SLC35F4: variants seen among roughly 807,000 people sequenced by gnomAD.
SLC35F4 encodes the protein chromosome 14 open reading frame 36.
Under a neutral mutation model 44.2 loss-of-function variants are expected in SLC35F4, and 24 were observed. The ratio of observed to expected loss-of-function variants is 0.54; its 90% CI spans 0.39 to 0.76. The LOEUF is 0.76. Among genes scored for constraint, SLC35F4 ranks in the 30% least tolerant of loss-of-function variants. The pLI, the probability that SLC35F4 is intolerant of heterozygous loss-of-function variation, is 0.00. For synonymous variants in SLC35F4, 238 were observed against 223.6 expected (o/e 1.06, Z -0.57); for missense variants, 562 against 586.1 (o/e 0.96, Z 0.42).
chr14:57,848,374 T>C (rs377635368), intron 1 of SLC35F4, among the ~76,000 whole-genome samples: 2 of 152,194 alleles, frequency 1.3e-5, no homozygotes, highest in East Asian at 3.8e-4. Context: ...ACCAAAATCA[T>C]GGAAGAATTG....
At chr14:57,604,253 G>T (rs2071013820) in intron 1 of SLC35F4, 1 of 152,126 alleles carries the variant, frequency 6.6e-6, no homozygotes, top group Non-Finnish European at 1.5e-5. Flanking sequence ...AGTCTTGATG[G>T]TTCTGAAATA....
chr14:57,983,142 G>A (rs77339342), upstream of SLC35F4, among the ~76,000 whole-genome samples: 44 of 152,342 alleles, frequency 2.9e-4, no homozygotes, highest in Admixed American at 2.7e-3. Flanking sequence ...TTACTGCAAG[G>A]CTGCCAAGCA....
At chr14:57,633,564 A>G (rs570119574) in intron 1 of SLC35F4, among the ~76,000 whole-genome samples, 1 of 152,112 alleles carries the variant, frequency 6.6e-6, no homozygotes, top group South Asian at 2.1e-4. Context: ...ACTTGTACAG[A>G]GACTTCCCAT....
intron 1 of SLC35F4, among the ~76,000 whole-genome samples, chr14:57,874,202 C>T (rs1177395489): frequency 6.6e-6 from 1 of 152,140 alleles, no homozygotes; most frequent in East Asian, 1.9e-4. Context: ...TCTGGGAAGG[C>T]TTCTCTGCTA....
At chr14:57,599,590 C>T (rs953851812) in intron 1 of SLC35F4, among the ~76,000 whole-genome samples, 1 of 151,952 alleles carries the variant, frequency 6.6e-6, no homozygotes, top group Non-Finnish European at 1.5e-5. Flanking sequence ...GACTGTAATC[C>T]CAGCACTTTG....
intron 1 of SLC35F4, among the ~76,000 whole-genome samples, chr14:57,607,862 G>C (rs533638078): frequency 6.6e-6 from 1 of 152,312 alleles, no homozygotes; most frequent in African/African-American, 2.4e-5. Context: ...CGCAGAGATG[G>C]AATGGATATA....
chr14:57,855,186 T>G (rs1340596896), intron 1 of SLC35F4, among the ~76,000 whole-genome samples: 1 of 152,186 alleles, frequency 6.6e-6, no homozygotes, highest in East Asian at 1.9e-4. Flanking sequence ...CATTCCCATT[T>G]TATAGGAACA....
At chr14:57,919,027 G>T (rs1371413503) in intron 1 of SLC35F4, among the ~76,000 whole-genome samples, 2 of 152,168 alleles carry the variant, frequency 1.3e-5, no homozygotes, top group African/African-American at 2.4e-5. Context: ...GCATGCAGGT[G>T]TGACCACGTA....
chr14:57,852,396 A>T (rs1323205764), intron 1 of SLC35F4, among the ~76,000 whole-genome samples: 1 of 152,200 alleles, frequency 6.6e-6, no homozygotes, highest in Non-Finnish European at 1.5e-5. Context: ...AAAGAATCAG[A>T]CCTTGTAAGA....
At chr14:57,862,383 G>A (rs1887756221) in intron 1 of SLC35F4, among the ~76,000 whole-genome samples, 1 of 152,168 alleles carries the variant, frequency 6.6e-6, no homozygotes, top group Non-Finnish European at 1.5e-5. Context: ...ACTGATCTTT[G>A]TGTAAGATAA....
At chr14:57,819,000 A>T (rs904123004) in intron 1 of SLC35F4, among the ~76,000 whole-genome samples, 1 of 152,242 alleles carries the variant, frequency 6.6e-6, no homozygotes, top group Non-Finnish European at 1.5e-5. Context: ...TGCTATGGAC[A>T]GCCAATTAAT....
downstream of SLC35F4, among the ~76,000 whole-genome samples, chr14:57,972,803 G>A (rs537327705): frequency 1.2e-4 from 19 of 152,236 alleles, no homozygotes; most frequent in South Asian, 2.3e-3. Flanking sequence ...CTCCATTCTC[G>A]TACCTTCTGG....
At chr14:57,831,190 C>CAAGTTCT (rs1424541036) in intron 1 of SLC35F4, among the ~76,000 whole-genome samples, 3 of 152,078 alleles carry the variant, frequency 2.0e-5, no homozygotes, top group African/African-American at 7.2e-5. Flanking sequence ...TTACAGATGC[C>CAAGTTCT]AAGTTCTACC....
chr14:57,624,705 A>C (rs1044983337), intron 1 of SLC35F4, among the ~76,000 whole-genome samples: 1 of 152,240 alleles, frequency 6.6e-6, no homozygotes, highest in Non-Finnish European at 1.5e-5. Flanking sequence ...GACAAATATG[A>C]CATGATTATC....
chr14:57,713,956 T>C (rs921210500), intron 1 of SLC35F4, among the ~76,000 whole-genome samples: 9 of 152,066 alleles, frequency 5.9e-5, no homozygotes, highest in Non-Finnish European at 1.2e-4. Context: ...ACAGATAACC[T>C]ACAATTTCTA....
At chr14:57,600,462 G>A (rs1343237422) in intron 1 of SLC35F4, among the ~76,000 whole-genome samples, 3 of 151,122 alleles carry the variant, frequency 2.0e-5, no homozygotes, top group African/African-American at 2.4e-5. Flanking sequence ...GGAGGCCAAG[G>A]TGGGCGGATC....
chr14:57,963,586 A>G (rs1890377773), intron 1 of SLC35F4, among the ~76,000 whole-genome samples: 1 of 152,106 alleles, frequency 6.6e-6, no homozygotes, highest in African/African-American at 2.4e-5. Context: ...TCAGCCTATC[A>G]GTAGTCAGTG....
intron 1 of SLC35F4, among the ~76,000 whole-genome samples, chr14:57,742,224 T>A (rs1243596887): frequency 6.6e-6 from 1 of 152,204 alleles, no homozygotes; most frequent in Non-Finnish European, 1.5e-5. Context: ...CACATAACAG[T>A]ATTAACCTTA....
intron 1 of SLC35F4, among the ~76,000 whole-genome samples, chr14:57,673,081 A>G (rs2074573648): frequency 6.6e-6 from 1 of 152,154 alleles, no homozygotes; most frequent in Admixed American, 6.5e-5. Flanking sequence ...TAAGTTGTAT[A>G]AAGATGATGA....
Sources: allele counts gnomAD v4.1 joint callset (sites outside exome capture counted in the v4.1 genomes callset), GRCh38; gene constraint gnomAD v4.1.1; transcripts MANE v1.5; gene names NCBI Gene and HGNC (gene_info 2026-07-23, HGNC 2026-07-21).